EPB41L2: variants seen among roughly 807,000 people sequenced by gnomAD.
The protein encoded by EPB41L2 is band 4.1-like protein 2.
Under a neutral mutation model 113.0 loss-of-function variants are expected in EPB41L2, and 43 were observed. The ratio of observed to expected loss-of-function variants is 0.38; its 90% confidence interval spans 0.30 to 0.49. EPB41L2 has a LOEUF of 0.49. EPB41L2 is among the 20% of genes least tolerant of loss of function. EPB41L2 has a pLI of 0.95. For missense variants in EPB41L2, 1,147 were observed against 1,223.4 expected (o/e 0.94, Z 0.93); for synonymous variants, 442 against 436.7 (o/e 1.01, Z -0.15).
intron 3 of EPB41L2, among the ~76,000 whole-genome samples, chr6:130,930,996 T>G (rs1045453827): frequency 6.6e-5 from 10 of 151,742 alleles, no homozygotes; most frequent in African/African-American, 1.9e-4. Context: ...ACCAGTGAAC[T>G]GGAAGATAGA....
chr6:130,872,404 C>CT, intron 14 of EPB41L2: 1 of 1,289,234 alleles, frequency 7.8e-7, no homozygotes, highest in Non-Finnish European at 1.0e-6. Flanking sequence ...AGGAAGAAAG[C>CT]TTTTCAGAAG....
At chr6:130,875,986 A>G (rs887826980) in intron 14 of EPB41L2, among the ~76,000 whole-genome samples, 1 of 142,824 alleles carries the variant, frequency 7.0e-6, no homozygotes, top group Non-Finnish European at 1.5e-5. Flanking sequence ...GTGCATCTCA[A>G]AAAAAAAAAA....
chr6:130,997,301 A>G (rs1202189866), intron 1 of EPB41L2, among the ~76,000 whole-genome samples: 2 of 152,218 alleles, frequency 1.3e-5, no homozygotes, highest in Non-Finnish European at 2.9e-5. Flanking sequence ...TTAAAACGCT[A>G]TTAAGATCAT....
intron 3 of EPB41L2, among the ~76,000 whole-genome samples, chr6:130,928,379 T>C (rs1484144152): frequency 6.6e-6 from 1 of 152,224 alleles, no homozygotes; most frequent in Non-Finnish European, 1.5e-5. Flanking sequence ...TCTGCTCATC[T>C]GTGAAATGGG....
intron 1 of EPB41L2, among the ~76,000 whole-genome samples, chr6:131,042,978 G>A (rs1562788347): frequency 6.6e-6 from 1 of 152,112 alleles, no homozygotes. Context: ...ATTTGGCTTA[G>A]GCTGATTTTA....
intron 1 of EPB41L2, among the ~76,000 whole-genome samples, chr6:131,009,665 A>AC (rs1415539938): frequency 7.2e-6 from 1 of 138,684 alleles, no homozygotes; most frequent in Non-Finnish European, 1.6e-5. Flanking sequence ...ACTGTCACCC[A>AC]CCCCCACCAA....
chr6:131,039,717 G>C (rs546858447), intron 1 of EPB41L2, among the ~76,000 whole-genome samples: 26 of 152,248 alleles, frequency 1.7e-4, no homozygotes, highest in South Asian at 1.0e-3. Context: ...ACAGGAGCCA[G>C]TTTGAAGAGG....
intron 3 of EPB41L2, among the ~76,000 whole-genome samples, chr6:130,946,074 T>A (rs1562553712): frequency 6.6e-6 from 1 of 152,188 alleles, no homozygotes; most frequent in Non-Finnish European, 1.5e-5. Context: ...TTAAAAAATC[T>A]TCAAAGTTTT....
chr6:130,865,472 A>G, intron 17 of EPB41L2, 64 bp downstream of exon 17: 1 of 1,498,616 alleles, frequency 6.7e-7, no homozygotes, highest in Non-Finnish European at 9.2e-7. Context: ...AGAGAGAAAC[A>G]ATTCAGAAAA....
chr6:130,900,861 T>C (rs1313827587), intron 7 of EPB41L2, 101 bp downstream of exon 7: 3 of 1,385,866 alleles, frequency 2.2e-6, no homozygotes, highest in Non-Finnish European at 3.0e-6. Context: ...AAGGAAAAAT[T>C]GGATAATCCT....
chr6:131,062,833 T>G (rs1283201444), intron 1 of EPB41L2, among the ~76,000 whole-genome samples: 2 of 150,640 alleles, frequency 1.3e-5, no homozygotes, highest in Non-Finnish European at 3.0e-5. Context: ...GCGGCCCCGG[T>G]CCCCCGGAAG....
chr6:130,967,133 C>T (rs1019552130), intron 1 of EPB41L2, among the ~76,000 whole-genome samples: 1 of 151,902 alleles, frequency 6.6e-6, no homozygotes, highest in Non-Finnish European at 1.5e-5. Flanking sequence ...CCACAGATAC[C>T]CAAATCCACA....
At chr6:130,952,969 A>G (rs776048422) in intron 3 of EPB41L2, among the ~76,000 whole-genome samples, 4 of 150,878 alleles carry the variant, frequency 2.7e-5, no homozygotes, top group Admixed American at 6.6e-5. Context: ...TTTAAACCAT[A>G]AAGTACGTTG....
chr6:130,913,231 G>A (rs1273620529), intron 4 of EPB41L2, among the ~76,000 whole-genome samples: 4 of 152,178 alleles, frequency 2.6e-5, no homozygotes, highest in African/African-American at 7.2e-5. Context: ...ATTCAGACTT[G>A]GTGTCATTCT....
chr6:130,965,012 T>A (rs1303983769), intron 1 of EPB41L2, among the ~76,000 whole-genome samples: 1 of 152,178 alleles, frequency 6.6e-6, no homozygotes, highest in African/African-American at 2.4e-5. Context: ...TGCTGAAAAG[T>A]GAAACTGATA....
At chr6:130,875,767 G>T (rs1289494780) in intron 14 of EPB41L2, among the ~76,000 whole-genome samples, 1 of 152,090 alleles carries the variant, frequency 6.6e-6, no homozygotes, top group Non-Finnish European at 1.5e-5. Flanking sequence ...GGGAGACCAA[G>T]AAGGGCAAAT....
At chr6:131,049,063 A>G (rs1337320948) in intron 1 of EPB41L2, among the ~76,000 whole-genome samples, 1 of 152,238 alleles carries the variant, frequency 6.6e-6, no homozygotes, top group Admixed American at 6.5e-5. Flanking sequence ...AATGACCTCA[A>G]TTGGTAGGAG....
chr6:130,912,698 C>T (rs1350659906), intron 4 of EPB41L2, among the ~76,000 whole-genome samples: 2 of 152,162 alleles, frequency 1.3e-5, no homozygotes, highest in East Asian at 1.9e-4. Flanking sequence ...ACTGCAGCTG[C>T]TGTCCCACCC....
intron 3 of EPB41L2, among the ~76,000 whole-genome samples, chr6:130,928,692 T>C (rs1024596346): frequency 2.6e-5 from 4 of 152,242 alleles, no homozygotes; most frequent in African/African-American, 9.6e-5. Context: ...AGCTCACCAC[T>C]ACAATTTGGC....
Sources: gnomAD v4.1 joint callset for allele counts (sites outside exome capture counted in the v4.1 genomes callset) on GRCh38, gnomAD v4.1.1 for gene constraint, MANE v1.5 for transcripts, NCBI Gene and HGNC (gene_info 2026-07-23, HGNC 2026-07-21) for gene names.